The following GALNT16 variants were observed in gnomAD, a reference collection of about 807,000 sequenced individuals.
GALNT16 encodes UDP-GalNAc:polypeptide N-acetylgalactosaminyltransferase-like protein 1.
In GALNT16, 40 loss-of-function variants were observed where a neutral mutation model predicts 76.1. The ratio of observed to expected loss-of-function variants is 0.53; its 90% CI spans 0.41 to 0.68. GALNT16 has a LOEUF of 0.68. Ranked by LOEUF, GALNT16 falls within the 30% of genes least tolerant of loss-of-function variation. The pLI is 0.00. For missense variants in GALNT16, 621 were observed against 731.9 expected (o/e 0.85, Z 1.75); for synonymous variants, 276 against 285.2 (o/e 0.97, Z 0.32).
chr14:69,344,783 C>T (rs2045540176), intron 12 of GALNT16, among the ~76,000 whole-genome samples: 1 of 152,196 alleles, frequency 6.6e-6, no homozygotes, highest in Non-Finnish European at 1.5e-5. Context: ...AACCCCTGGC[C>T]CTCGTGCTGT....
the GALNT16 span, among the ~76,000 whole-genome samples, chr14:69,372,488 A>G: frequency 3.2e-3 from 439 of 135,976 alleles, 5 homozygotes; most frequent in African/African-American, 0.011. Flanking sequence ...AGTGATCATT[A>G]GCCTTTTTTT....
At chr14:69,285,492 C>A (rs1446497182) in intron 1 of GALNT16, among the ~76,000 whole-genome samples, 1 of 152,092 alleles carries the variant, frequency 6.6e-6, no homozygotes, top group African/African-American at 2.4e-5. Flanking sequence ...TTATCATCTT[C>A]CAGGAGCAGT....
At chr14:69,386,064 G>C in the GALNT16 span, among the ~76,000 whole-genome samples, 3 of 152,300 alleles carry the variant, frequency 2.0e-5, no homozygotes, top group South Asian at 6.2e-4. Context: ...ATGGCTTAAA[G>C]TACCATGCAA....
intron 4 of GALNT16, 128 bp from the exon 5 acceptor site, chr14:69,325,834 T>C (rs1238612760): frequency 2.7e-6 from 2 of 731,960 alleles, no homozygotes; most frequent in Non-Finnish European, 4.9e-6. Flanking sequence ...GTGATGACCA[T>C]ACCTCTTCCC....
chr14:69,316,779 G>T lies in GALNT16; in HGVS notation c.178-3932G>T, dbSNP rs529918072. On this transcript the variant is annotated intron_variant, in intron 1 of 14. Transcript: ENST00000448469. ...GCTTGGGGGCTTGTAGTCTGTGAGG[G>T]GGGGGGGCACTGAAGGTCACGTGAT... is the stretch of plus-strand genomic sequence containing the variant. 2.6e-3 allele frequency among the ~76,000 whole-genome samples: 346 copies of T among 134,074 alleles called. 5 individuals carry two copies. Among genetic ancestry groups the T allele is most frequent in the Non-Finnish European group, 4.4e-3 (271 of 61,406 alleles). The allele number at this position is 134,074 out of a possible 152,430, so 88.0% of individuals were successfully genotyped here.
At chr14:69,374,557 G>C in the GALNT16 span, among the ~76,000 whole-genome samples, 1 of 152,162 alleles carries the variant, frequency 6.6e-6, no homozygotes, top group Non-Finnish European at 1.5e-5. Flanking sequence ...ATTGTAGACT[G>C]TGAGTCCACC....
At chr14:69,376,746 A>G in the GALNT16 span, among the ~76,000 whole-genome samples, 16 of 152,130 alleles carry the variant, frequency 1.1e-4, no homozygotes, top group Non-Finnish European at 2.1e-4. Flanking sequence ...AAGACTGCTT[A>G]TGAGAAACAT....
intron 9 of GALNT16, among the ~76,000 whole-genome samples, chr14:69,335,279 C>T (rs747737123): frequency 1.3e-5 from 2 of 152,168 alleles, no homozygotes; most frequent in Non-Finnish European, 1.5e-5. Context: ...GCATGGGACT[C>T]CCCCAGCTTT....
intron 1 of GALNT16, among the ~76,000 whole-genome samples, chr14:69,270,133 TCTC>T (rs1461429245): frequency 2.0e-5 from 3 of 152,012 alleles, no homozygotes; most frequent in African/African-American, 4.8e-5. Context: ...CCCCACAGCT[TCTC>T]CTCTGTTCAA....
chr14:69,333,456 C>G lies in GALNT16; in HGVS notation c.864-41C>G, dbSNP rs1232913784. On this transcript the variant is annotated intron_variant, in intron 8 of 14. Coordinates refer to ENST00000448469, the MANE Select transcript of GALNT16 (RefSeq NM_001168368.2). The surrounding 1 kb of genome is among the most constrained non-coding windows in gnomAD (Gnocchi z 4.2). ...GGCCATCTAAAGGGCCTCCTTGCTT[C>G]TCCAGCTCACGTGTTGCGTCTTCCC... 2.4e-6 allele frequency: 3 copies of G among 1,255,380 alleles called. No individual in the cohort carries two copies. Among genetic ancestry groups the G allele is most frequent in the Non-Finnish European group, 3.5e-6 (3 of 854,114 alleles). The allele number at this position is 1,255,380 out of a possible 1,614,324, so 77.8% of individuals were successfully genotyped here.
intron 1 of GALNT16, among the ~76,000 whole-genome samples, chr14:69,294,693 A>G (rs1021603917): frequency 1.3e-5 from 2 of 152,096 alleles, no homozygotes; most frequent in African/African-American, 4.8e-5. Flanking sequence ...ATATCAATGG[A>G]ACCTACAATA....
chr14:69,275,371 GTA>G (rs138838697), intron 1 of GALNT16, among the ~76,000 whole-genome samples: 1 of 151,822 alleles, frequency 6.6e-6, no homozygotes, highest in Non-Finnish European at 1.5e-5. Context: ...AAATTGATCA[GTA>G]TATATATATA....
At chr14:69,285,166 G>A (rs1338808911) in intron 1 of GALNT16, among the ~76,000 whole-genome samples, 1 of 143,786 alleles carries the variant, frequency 7.0e-6, no homozygotes, top group African/African-American at 2.8e-5. Context: ...TCAGCCTCTC[G>A]AGTAGCTGGG....
At chr14:69,293,554 T>G (rs2044714327) in intron 1 of GALNT16, among the ~76,000 whole-genome samples, 2 of 152,194 alleles carry the variant, frequency 1.3e-5, no homozygotes. Context: ...CAACCTGAAA[T>G]AGGTGATGTC....
intron 6 of GALNT16, among the ~76,000 whole-genome samples, chr14:69,329,054 C>G (rs936293214): frequency 6.6e-6 from 1 of 152,174 alleles, no homozygotes; most frequent in African/African-American, 2.4e-5. Context: ...GACAAATAAC[C>G]CAATTTAAAA....
At chr14:69,342,488 G>C (rs1408622585) in intron 12 of GALNT16, among the ~76,000 whole-genome samples, 1 of 74,186 alleles carries the variant, frequency 1.3e-5, no homozygotes. Context: ...GAGGGAGGGA[G>C]GGAGGGAGGG....
chr14:69,329,882 A>T (rs1335206347), intron 6 of GALNT16, among the ~76,000 whole-genome samples: 1 of 151,782 alleles, frequency 6.6e-6, no homozygotes, highest in Non-Finnish European at 1.5e-5. Context: ...TGACCCAAAC[A>T]CCCCTAACTA....
chr14:69,291,715 C>G (rs1368072907), intron 1 of GALNT16, among the ~76,000 whole-genome samples: 1 of 152,216 alleles, frequency 6.6e-6, no homozygotes, highest in Non-Finnish European at 1.5e-5. Context: ...GTTCCACCCC[C>G]TGGACTTCAG....
At chr14:69,266,220 G>T (rs980242919) in intron 1 of GALNT16, among the ~76,000 whole-genome samples, 1 of 152,116 alleles carries the variant, frequency 6.6e-6, no homozygotes, top group Non-Finnish European at 1.5e-5. Flanking sequence ...ACAAACATTC[G>T]ATGGGGAAAA....
Sources: gnomAD v4.1 joint callset for allele counts (sites outside exome capture counted in the v4.1 genomes callset) on GRCh38, gnomAD v4.1.1 for gene constraint, Gnocchi (gnomAD v3.1) non-coding constraint, MANE v1.5 for transcripts, NCBI Gene and HGNC (gene_info 2026-07-23, HGNC 2026-07-21) for gene names.